Variants in TRPM6 observed in about 807,000 individuals in gnomAD.
The protein encoded by TRPM6 is transient receptor potential cation channel subfamily M member 6, also known as channel kinase 2.
TRPM6 carries 111 observed loss-of-function variants against 247.6 expected under a neutral mutation model. That is an observed-to-expected ratio of 0.45 (90% CI 0.38 to 0.52). TRPM6 has a LOEUF of 0.52. Among genes scored for constraint, TRPM6 ranks in the 20% least tolerant of loss-of-function variants. The pLI is 0.00. For missense variants in TRPM6, 2,126 were observed against 2,421.5 expected (o/e 0.88, Z 2.56); for synonymous variants, 892 against 853.8 (o/e 1.04, Z -0.78).
intron 31 of TRPM6, among the ~76,000 whole-genome samples, chr9:74,746,675 T>C (rs867953250): frequency 2.4e-4 from 37 of 152,172 alleles, no homozygotes; most frequent in African/African-American, 8.4e-4. Context: ...ATAATTCTGA[T>C]AGAAACATAG....
intron 21 of TRPM6, among the ~76,000 whole-genome samples, chr9:74,783,963 T>A (rs932358452): frequency 6.6e-6 from 1 of 152,028 alleles, no homozygotes; most frequent in African/African-American, 2.4e-5. Context: ...AACAGCCAGA[T>A]GGAAAAAGCC....
intron 5 of TRPM6, among the ~76,000 whole-genome samples, chr9:74,839,299 G>A (rs1486317881): frequency 1.3e-5 from 2 of 152,104 alleles, no homozygotes; most frequent in African/African-American, 4.8e-5. Context: ...TTGTCCTTAT[G>A]TGCAGACAGT....
At position 74,775,740 on chromosome 9, in the gene TRPM6, C is replaced by CCAGA; in HGVS notation, c.3403+139_3403+142dup. ...ATGAGGTCAATATATTTACTCAGAC[C>CCAGA]CAGAGCATCAGCTGATATTCTATTG... On this transcript the variant is annotated intron_variant, in intron 24 of 38. Coordinates refer to ENST00000360774, the MANE Select transcript of TRPM6 (RefSeq NM_017662.5). 31 of 855,202 alleles carry CCAGA rather than the reference C, an allele frequency of 3.6e-5. No individual in the cohort carries two copies. The South Asian group carries it at 4.3e-4, about 12-fold the overall frequency. 53.0% of individuals were successfully genotyped at this position (855,202 alleles called of 1,614,324 possible). A position where few individuals can be genotyped will look rare whatever the true frequency, so the allele number is the denominator to read the frequency against.
At chr9:74,760,029 G>A (rs994574490) in intron 27 of TRPM6, among the ~76,000 whole-genome samples, 2 of 152,116 alleles carry the variant, frequency 1.3e-5, no homozygotes, top group Non-Finnish European at 2.9e-5. Context: ...CTAATACAAC[G>A]GTGGTCCCAT....
Position 74,792,639 on chromosome 9 carries a change from C to T in TRPM6, c.2523G>A (p.Lys841=). The part of the protein sequence containing the change: ...VYEFYSAPIV[K]FWFYTMAYLA... The stretch of plus-strand genomic sequence containing the variant: ...TGAGACCAACCGTATAAAACCAAAA[C>T]TTGACAATTGGAGCACTGTAGAACT... Residue 841 remains lysine, a synonymous_variant, in exon 19 of 39, where the codon AAG becomes AAA. Transcript: ENST00000360774. 1 of 1,614,072 alleles carries T rather than the reference C, an allele frequency of 6.2e-7. No individual in the cohort carries two copies. Among genetic ancestry groups the T allele is most frequent in the Non-Finnish European group, 8.5e-7 (1 of 1,179,994 alleles).
At chr9:74,758,910 A>C (rs543592652) in intron 27 of TRPM6, among the ~76,000 whole-genome samples, 172 of 152,268 alleles carry the variant, frequency 1.1e-3, no homozygotes, top group Non-Finnish European at 2.2e-3. Context: ...TATCTACTCA[A>C]GTAAAGAAGT....
At chr9:74,770,189 C>A (rs1458531748) in intron 25 of TRPM6, among the ~76,000 whole-genome samples, 1 of 151,926 alleles carries the variant, frequency 6.6e-6, no homozygotes, top group Non-Finnish European at 1.5e-5. Flanking sequence ...TGACTTATGC[C>A]CATAGTGAAC....
rs139383169 is a variant in TRPM6 at position 74,850,232 on chromosome 9, C to T, written c.152+5295G>A. Among the ~76,000 whole-genome samples, 609 of 151,212 alleles carry T rather than the reference C, an allele frequency of 4.0e-3. 4 individuals are homozygous for T. Among genetic ancestry groups the T allele is most frequent in the African/African-American group, 0.014 (580 of 41,192 alleles). The stretch of plus-strand genomic sequence containing the variant: ...ACTAAAAATACAAAAATCAGCTGAG[C>T]GTGGTGGCACGTGCCTGTAATCTCA... On this transcript the variant is annotated intron_variant, in intron 3 of 38. Transcript: ENST00000360774.
chr9:74,856,460 T>C (rs1830527209), intron 2 of TRPM6, among the ~76,000 whole-genome samples: 1 of 108,522 alleles, frequency 9.2e-6, no homozygotes, highest in Non-Finnish European at 1.8e-5. Context: ...TGTGTGTGTG[T>C]GTGTGTCTGT....
At chr9:74,787,334 CAAAAGAAAAAAA>C (rs1267325772) in intron 20 of TRPM6, among the ~76,000 whole-genome samples, 6 of 81,370 alleles carry the variant, frequency 7.4e-5, no homozygotes, top group Admixed American at 2.9e-4. Flanking sequence ...GACTCTGTCT[CAAAAGAAAAAAA>C]AAAAGAAAAA....
At chr9:74,841,795 G>A (rs1397719637) in intron 4 of TRPM6, among the ~76,000 whole-genome samples, 2 of 152,146 alleles carry the variant, frequency 1.3e-5, no homozygotes, top group African/African-American at 4.8e-5. Flanking sequence ...GTGAGCCAAC[G>A]TGCCCAGCCT....
At chr9:74,830,756 T>G (rs796968929) in intron 6 of TRPM6, among the ~76,000 whole-genome samples, 60 of 133,708 alleles carry the variant, frequency 4.5e-4, no homozygotes, top group African/African-American at 1.4e-3. Context: ...TTTGTTTTTT[T>G]TTTTTTTTTT....
rs1826697254 is a variant in TRPM6 at position 74,762,812 on chromosome 9, C to T, written c.3859G>A (p.Ala1287Thr). Residue 1287 changes from alanine to threonine, a missense_variant, in exon 26 of 39, where the codon GCT (alanine) becomes ACT (threonine). Ala to Thr is a moderately conservative substitution (Grantham distance 58). Coordinates refer to ENST00000360774, the MANE Select transcript of TRPM6 (RefSeq NM_017662.5). ...SMPSSLLRSL[A>T]GGRHPPRVQR... ...ACTCTTGGGGGATGCCGGCCTCCAG[C>T]CAGGCTCCTCAGCAAAGAAGAGGGC... is the stretch of plus-strand genomic sequence containing the variant. The T allele has an allele frequency of 6.2e-7, 1 of 1,614,054 alleles. No homozygotes were observed. The highest frequency in any genetic ancestry group is 1.1e-5 in the South Asian group (1 of 91,090).
intron 5 of TRPM6, among the ~76,000 whole-genome samples, chr9:74,838,554 A>G (rs368920580): frequency 9.8e-5 from 15 of 152,388 alleles, no homozygotes; most frequent in South Asian, 6.2e-4. Flanking sequence ...CCTTGCCTCT[A>G]GTACACAACC....
chr9:74,842,056 C>T (rs1055253518), intron 4 of TRPM6, 110 bp downstream of exon 4: 14 of 1,206,828 alleles, frequency 1.2e-5, no homozygotes, highest in East Asian at 2.5e-5. Flanking sequence ...GGTTGCAGTG[C>T]GCCGAGATCG....
chr9:74,759,376 C>T (rs895397622), intron 27 of TRPM6, among the ~76,000 whole-genome samples: 3 of 152,036 alleles, frequency 2.0e-5, no homozygotes, highest in African/African-American at 7.2e-5. Context: ...TTCAAGATAA[C>T]ATAATATTGG....
chr9:74,731,373 A>G (rs1007760435), intron 37 of TRPM6, among the ~76,000 whole-genome samples: 1 of 152,116 alleles, frequency 6.6e-6, no homozygotes, highest in Non-Finnish European at 1.5e-5. Flanking sequence ...TTCTTAGCTA[A>G]AAACACTTTA....
chr9:74,885,542 A>G (rs1053361997), intron 1 of TRPM6, among the ~76,000 whole-genome samples: 8 of 152,370 alleles, frequency 5.3e-5, no homozygotes, highest in Admixed American at 1.3e-4. Context: ...TAAAACTTCA[A>G]TAAAACTAAG....
chr9:74,861,360 A>G (rs757134826), intron 1 of TRPM6, among the ~76,000 whole-genome samples: 3 of 152,226 alleles, frequency 2.0e-5, no homozygotes, highest in Non-Finnish European at 4.4e-5. Context: ...TAAGAAACTG[A>G]TATCATTAAA....
Sources: allele counts gnomAD v4.1 joint callset (sites outside exome capture counted in the v4.1 genomes callset), GRCh38; gene constraint gnomAD v4.1.1; transcripts MANE v1.5; gene names NCBI Gene and HGNC (gene_info 2026-07-23, HGNC 2026-07-21).